The following CDH13 variants were observed in gnomAD, a reference collection of about 807,000 sequenced individuals.
CDH13 encodes cadherin-13.
In CDH13, 24 loss-of-function variants were observed where a neutral mutation model predicts 63.8. The ratio of observed to expected loss-of-function variants is 0.38; its 90% CI spans 0.27 to 0.53. CDH13 has a LOEUF of 0.53. Ranked by LOEUF, CDH13 falls within the 20% of genes least tolerant of loss-of-function variation. The probability of loss-of-function intolerance (pLI) is 0.85; values close to 1 mark genes in which losing one functional copy is unlikely to be tolerated. For synonymous variants in CDH13, 503 were observed against 355.3 expected (o/e 1.42, Z -4.67); for missense variants, 1,049 against 903.1 (o/e 1.16, Z -2.07).
At chr16:83,463,290 A>T (rs532307177) in intron 6 of CDH13, among the ~76,000 whole-genome samples, 1 of 152,226 alleles carries the variant, frequency 6.6e-6, no homozygotes, top group African/African-American at 2.4e-5. Context: ...TTATGCTGTC[A>T]TAGTAAAGTA....
At chr16:82,840,558 G>T (rs540945678) in intron 1 of CDH13, among the ~76,000 whole-genome samples, 11 of 151,814 alleles carry the variant, frequency 7.2e-5, no homozygotes, top group African/African-American at 2.7e-4. Context: ...GGTGGCACGT[G>T]CCTGTAACCC....
intron 7 of CDH13, among the ~76,000 whole-genome samples, chr16:83,548,468 G>A (rs2075429839): frequency 6.6e-6 from 1 of 152,202 alleles, no homozygotes; most frequent in Non-Finnish European, 1.5e-5. Flanking sequence ...CCGTAGCGCA[G>A]TGGTTGAGAA....
chr16:82,839,131 G>A (rs1466896985), intron 1 of CDH13, among the ~76,000 whole-genome samples: 1 of 152,210 alleles, frequency 6.6e-6, no homozygotes, highest in African/African-American at 2.4e-5. Flanking sequence ...AGCCAGTGGA[G>A]GATTGGGACA....
intron 7 of CDH13, among the ~76,000 whole-genome samples, chr16:83,591,085 A>G (rs1262003087): frequency 6.6e-6 from 1 of 151,420 alleles, no homozygotes; most frequent in African/African-American, 2.4e-5. Flanking sequence ...TAATTTTTGT[A>G]TGTTTAGTAG....
chr16:83,093,575 C>T (rs1273382519), intron 3 of CDH13, among the ~76,000 whole-genome samples: 1 of 152,036 alleles, frequency 6.6e-6, no homozygotes, highest in Non-Finnish European at 1.5e-5. Context: ...CTACCTCGGC[C>T]TCCCAAAGTG....
chr16:83,143,689 T>C (rs1265544197), intron 4 of CDH13, among the ~76,000 whole-genome samples: 2 of 152,180 alleles, frequency 1.3e-5, no homozygotes, highest in East Asian at 3.9e-4. Context: ...GCAGGGATTG[T>C]AAGCTCCTCT....
At chr16:83,716,419 C>A (rs1369085389) in intron 10 of CDH13, among the ~76,000 whole-genome samples, 1 of 152,146 alleles carries the variant, frequency 6.6e-6, no homozygotes, top group Admixed American at 6.5e-5. Context: ...TGTGCTCCAC[C>A]CGTACATCCC....
chr16:83,092,122 C>A (rs368286096), intron 3 of CDH13, among the ~76,000 whole-genome samples: 1 of 152,188 alleles, frequency 6.6e-6, no homozygotes, highest in African/African-American at 2.4e-5. Context: ...ATTCATTTCT[C>A]ATTATGGACT....
chr16:83,597,118 G>A (rs921036040), intron 7 of CDH13, among the ~76,000 whole-genome samples: 5 of 152,074 alleles, frequency 3.3e-5, no homozygotes, highest in African/African-American at 9.7e-5. Flanking sequence ...AGCTACTTGG[G>A]GTGCTAAGTT....
chr16:83,788,035 A>G (rs903158834), intron 13 of CDH13, among the ~76,000 whole-genome samples: 1 of 152,220 alleles, frequency 6.6e-6, no homozygotes, highest in Non-Finnish European at 1.5e-5. Flanking sequence ...AGAGATAAAA[A>G]TTCTATGTGT....
chr16:83,188,572 G>A (rs1000171771), intron 4 of CDH13, among the ~76,000 whole-genome samples: 9 of 152,258 alleles, frequency 5.9e-5, no homozygotes, highest in South Asian at 2.1e-4. Context: ...CATGCCAGGC[G>A]TTGGCCATGG....
chr16:83,718,904 G>T (rs766318990), intron 10 of CDH13, among the ~76,000 whole-genome samples: 1 of 152,188 alleles, frequency 6.6e-6, no homozygotes, highest in African/African-American at 2.4e-5. Flanking sequence ...TTGGGTGAGG[G>T]TTGCTCCTGA....
At chr16:82,883,091 C>T (rs1016450076) in intron 2 of CDH13, among the ~76,000 whole-genome samples, 3 of 152,072 alleles carry the variant, frequency 2.0e-5, no homozygotes, top group Admixed American at 6.5e-5. Context: ...ATGCCATCAC[C>T]TGAGGCTGTG....
intron 5 of CDH13, among the ~76,000 whole-genome samples, chr16:83,229,148 G>C (rs1419260694): frequency 6.6e-6 from 1 of 152,184 alleles, no homozygotes; most frequent in Non-Finnish European, 1.5e-5. Flanking sequence ...GGGTTCTCAG[G>C]AAGGGAGTGA....
intron 3 of CDH13, among the ~76,000 whole-genome samples, chr16:83,101,276 T>C (rs1382550045): frequency 6.6e-6 from 1 of 150,568 alleles, no homozygotes; most frequent in Non-Finnish European, 1.5e-5. Flanking sequence ...CATATACATA[T>C]ACAGATATAT....
At chr16:83,420,215 C>G (rs1337095367) in intron 6 of CDH13, among the ~76,000 whole-genome samples, 5 of 152,162 alleles carry the variant, frequency 3.3e-5, no homozygotes, top group African/African-American at 9.7e-5. Flanking sequence ...CTGTCACAAT[C>G]TCTATGAAGC....
intron 3 of CDH13, among the ~76,000 whole-genome samples, chr16:83,049,523 G>T (rs1199380066): frequency 6.6e-6 from 1 of 151,824 alleles, no homozygotes. Context: ...TTTTAGTAGA[G>T]ACCGGGTTTC....
chr16:83,595,083 T>G (rs1016262404), intron 7 of CDH13, among the ~76,000 whole-genome samples: 4 of 152,260 alleles, frequency 2.6e-5, no homozygotes, highest in Non-Finnish European at 5.9e-5. Flanking sequence ...GAGAGCAGCT[T>G]GACTCTCTTA....
At chr16:82,850,184 G>A (rs1002561521) in intron 1 of CDH13, among the ~76,000 whole-genome samples, 1 of 152,112 alleles carries the variant, frequency 6.6e-6, no homozygotes, top group African/African-American at 2.4e-5. Context: ...TGCTGAAAAG[G>A]ATTCACCATT....
Sources: gnomAD v4.1 joint callset for allele counts (sites outside exome capture counted in the v4.1 genomes callset) on GRCh38, gnomAD v4.1.1 for gene constraint, MANE v1.5 for transcripts, NCBI Gene and HGNC (gene_info 2026-07-23, HGNC 2026-07-21) for gene names.